Variants in CMTM1 observed in about 807,000 individuals in gnomAD.
CMTM1 encodes CKLF like MARVEL transmembrane domain containing 1.
CMTM1 carries 16 observed loss-of-function variants against 17.8 expected under a neutral mutation model. The observed-to-expected ratio is 0.90, with a 90% CI of 0.61 to 1.37. CMTM1 has a LOEUF of 1.37. CMTM1 is among the 40% of genes most tolerant of loss of function. The pLI is 0.00. For missense variants in CMTM1, 354 were observed against 375.6 expected (o/e 0.94, Z 0.47); for synonymous variants, 169 against 154.6 (o/e 1.09, Z -0.69).
chr16:66,572,249 C>T (rs1170804080), intron 2 of CMTM1, among the ~76,000 whole-genome samples: 2 of 152,228 alleles, frequency 1.3e-5, no homozygotes, highest in Non-Finnish European at 2.9e-5. Context: ...AGGACACATA[C>T]TGAGCAACCA....
intron 2 of CMTM1, among the ~76,000 whole-genome samples, chr16:66,576,330 G>A (rs971378551): frequency 1.3e-5 from 2 of 151,998 alleles, no homozygotes; most frequent in Non-Finnish European, 2.9e-5. Context: ...CCTGGGAGGC[G>A]GAGGTTGCAA....
chr16:66,578,923 C>G lies in CMTM1; in HGVS notation c.783C>G (p.Val261=). The change falls in exon 4 of 4, where the codon GTC becomes GTG. Residue 261 remains valine (V), a synonymous_variant. Coordinates refer to ENST00000379500, the MANE Select transcript of CMTM1 (RefSeq NM_052999.4). ...MRTNLKRFLG[V]EVERKLSPAK... The stretch of plus-strand genomic sequence containing the variant: ...CCAACTTGAAAAGATTCCTGGGAGT[C>G]GAAGTTGAAAGGAAGCTTTCCCCCG... The G allele has an allele frequency of 6.2e-7, 1 of 1,614,144 alleles. No homozygotes were observed. The highest frequency in any genetic ancestry group is 8.5e-7 in the Non-Finnish European group (1 of 1,180,020).
At chr16:66,570,175 A>T in intron 2 of CMTM1, 81 bp downstream of exon 2, 3 of 1,122,020 alleles carry the variant, frequency 2.7e-6, no homozygotes, top group Non-Finnish European at 3.8e-6. Flanking sequence ...AGTGAAAACA[A>T]CGGAGCTATC....
Position 66,579,100 on chromosome 16 carries a change from T to C in CMTM1, c.*99T>C. On this transcript the variant is annotated 3_prime_UTR_variant, in exon 4 of 4. Coordinates refer to ENST00000379500, the MANE Select transcript of CMTM1 (RefSeq NM_052999.4). This position sits in a 1 kb window ranked among gnomAD's most constrained non-coding sequence, Gnocchi z 6.5. Reference sequence around the variant, plus strand: ...GCTGTCACCCATTCCAGCCTAAATGTGACCATAAAATTAGGGCTGCTGCTT... The same window carrying C: ...GCTGTCACCCATTCCAGCCTAAATGCGACCATAAAATTAGGGCTGCTGCTT... The C allele has an allele frequency of 6.8e-7, 1 of 1,473,458 alleles. No individual in the cohort carries two copies. Among genetic ancestry groups the C allele is most frequent in the South Asian group, 1.3e-5 (1 of 75,234 alleles). 91.3% of individuals were successfully genotyped at this position (1,473,458 alleles called of 1,614,324 possible). A position where few individuals can be genotyped will look rare whatever the true frequency, so the allele number is the denominator to read the frequency against.
intron 2 of CMTM1, among the ~76,000 whole-genome samples, chr16:66,572,379 C>T (rs1007913163): frequency 6.6e-6 from 1 of 152,214 alleles, no homozygotes; most frequent in Non-Finnish European, 1.5e-5. Flanking sequence ...CAAATGTGCT[C>T]TTTCAGATTC....
At chr16:66,570,160 C>A in intron 2 of CMTM1, 66 bp downstream of exon 2, 1 of 1,295,242 alleles carries the variant, frequency 7.7e-7, no homozygotes, top group Non-Finnish European at 1.1e-6. Context: ...TAAGGGCTCT[C>A]CTTAAGTGAA....
rs2014634896 is a variant in CMTM1 at position 66,579,064 on chromosome 16, C to T, written c.*63C>T. 2 of 1,557,826 alleles carry T rather than the reference C, an allele frequency of 1.3e-6. No homozygotes were observed. The highest frequency in any genetic ancestry group is 1.2e-5 in the South Asian group (1 of 83,506). The stretch of plus-strand genomic sequence containing the variant: ...GAATCGCTGCCTCCGAGCCCACCCC[C>T]GAGCTCGCATGCTGTCACCCATTCC... On this transcript the variant is annotated 3_prime_UTR_variant, in exon 4 of 4. Transcript: ENST00000379500. The surrounding 1 kb of genome is among the most constrained non-coding windows in gnomAD (Gnocchi z 6.5).
intron 3 of CMTM1, among the ~76,000 whole-genome samples, chr16:66,578,220 A>G (rs2014496281): frequency 6.6e-6 from 1 of 152,096 alleles, no homozygotes; most frequent in African/African-American, 2.4e-5. Flanking sequence ...TCTTACCTGG[A>G]TGGCAGCATC....
At chr16:66,574,693 C>A (rs2014005051) in intron 2 of CMTM1, among the ~76,000 whole-genome samples, 1 of 152,208 alleles carries the variant, frequency 6.6e-6, no homozygotes, top group Non-Finnish European at 1.5e-5. Context: ...AAGTCAAAGA[C>A]TGGCTGGGCC....
chr16:66,578,125 C>T (rs1318336776), intron 3 of CMTM1, among the ~76,000 whole-genome samples: 1 of 152,196 alleles, frequency 6.6e-6, no homozygotes, highest in East Asian at 1.9e-4. Context: ...AGGGGAATAT[C>T]TGTGCCATCA....
intron 2 of CMTM1, among the ~76,000 whole-genome samples, chr16:66,576,886 C>T (rs2014313370): frequency 6.6e-6 from 1 of 152,062 alleles, no homozygotes; most frequent in Non-Finnish European, 1.5e-5. Flanking sequence ...TGAAAATAAA[C>T]CCGTTTCTAC....
chr16:66,569,110 A>G (rs2013096517), intron 1 of CMTM1, among the ~76,000 whole-genome samples: 1 of 152,218 alleles, frequency 6.6e-6, no homozygotes. Flanking sequence ...ATCTAAAAAT[A>G]AGTGAAATGT....
At chr16:66,572,281 T>C (rs2013661325) in intron 2 of CMTM1, among the ~76,000 whole-genome samples, 1 of 152,282 alleles carries the variant, frequency 6.6e-6, no homozygotes. Context: ...AGATGGTAAG[T>C]GATTTAATTA....
At chr16:66,569,607 A>G (rs1794185903) in intron 1 of CMTM1, among the ~76,000 whole-genome samples, 1 of 152,244 alleles carries the variant, frequency 6.6e-6, no homozygotes, top group South Asian at 2.1e-4. Context: ...CACTGTTTCT[A>G]CCAAAATCAA....
intron 1 of CMTM1, chr16:66,567,154 C>CTTTTTTTTTTT (rs58132277): frequency 2.7e-5 from 13 of 476,258 alleles, no homozygotes; most frequent in African/African-American, 1.5e-4. Context: ...CCTATTTTTT[C>CTTTTTTTTTTT]TTTTTTTTTT....
Position 66,566,712 on chromosome 16 carries a change from G to A in CMTM1, c.199G>A (p.Ala67Thr), listed in dbSNP as rs1301907674. The A allele has an allele frequency of 1.2e-6, 2 of 1,613,780 alleles. No homozygotes were observed. Among genetic ancestry groups the A allele is most frequent in the Non-Finnish European group, 1.7e-6 (2 of 1,179,988 alleles). ...SIRSAQSAAA[A>T]RPQGSEGTAP... ...TCGCAGTGCGCAGTCCGCAGCCGCC[G>A]CACGTCCCCAAGGCAGTGAGGGCAC... The change falls in exon 1 of 4, where the codon GCA becomes ACA. Residue 67 changes from alanine to threonine, a missense_variant. Transcript: ENST00000379500. The surrounding 1 kb of genome is among the most constrained non-coding windows in gnomAD (Gnocchi z 4.9).
chr16:66,575,618 A>G (rs1255081750), intron 2 of CMTM1, among the ~76,000 whole-genome samples: 1 of 152,126 alleles, frequency 6.6e-6, no homozygotes, highest in Non-Finnish European at 1.5e-5. Flanking sequence ...CCATTATTCA[A>G]TCCTAGGCAA....
chr16:66,579,080 C>A lies in CMTM1; in HGVS notation c.*79C>A. The stretch of plus-strand genomic sequence containing the variant: ...GCCCACCCCCGAGCTCGCATGCTGT[C>A]ACCCATTCCAGCCTAAATGTGACCA... On this transcript the variant is annotated 3_prime_UTR_variant, in exon 4 of 4. Coordinates refer to ENST00000379500, the MANE Select transcript of CMTM1 (RefSeq NM_052999.4). The surrounding 1 kb of genome is among the most constrained non-coding windows in gnomAD (Gnocchi z 6.5). 1 of 1,551,230 alleles carries A rather than the reference C, an allele frequency of 6.4e-7. No individual in the cohort carries two copies. Among genetic ancestry groups the A allele is most frequent in the South Asian group, 1.2e-5 (1 of 83,628 alleles).
At chr16:66,571,916 T>A (rs1332633120) in intron 2 of CMTM1, among the ~76,000 whole-genome samples, 1 of 152,184 alleles carries the variant, frequency 6.6e-6, no homozygotes, top group Non-Finnish European at 1.5e-5. Context: ...ACCGTGAGTG[T>A]CCTATGAGAG....
Sources: allele counts gnomAD v4.1 joint callset (sites outside exome capture counted in the v4.1 genomes callset), GRCh38; gene constraint gnomAD v4.1.1; non-coding constraint Gnocchi (gnomAD v3.1); transcripts MANE v1.5; gene names NCBI Gene and HGNC (gene_info 2026-07-23, HGNC 2026-07-21).